Variants in DNASE2B observed in about 807,000 individuals in gnomAD.
The protein encoded by DNASE2B is deoxyribonuclease 2 beta.
In DNASE2B, 43 loss-of-function variants were observed where a neutral mutation model predicts 46.0. The observed-to-expected ratio is 0.94, with a 90% CI of 0.73 to 1.21. The LOEUF (loss-of-function observed/expected upper bound fraction) is 1.21. DNASE2B is among the 50% of genes most tolerant of loss of function. The pLI, the probability that DNASE2B is intolerant of heterozygous loss-of-function variation, is 0.00. For missense variants in DNASE2B, 395 were observed against 414.4 expected (o/e 0.95, Z 0.41); for synonymous variants, 156 against 152.5 (o/e 1.02, Z -0.17).
intron 3 of DNASE2B, among the ~76,000 whole-genome samples, chr1:84,410,010 A>G (rs2101852104): frequency 6.6e-6 from 1 of 152,314 alleles, no homozygotes; most frequent in East Asian, 1.9e-4. Flanking sequence ...CTTTGAAAAA[A>G]AAATAACTAG....
intron 3 of DNASE2B, among the ~76,000 whole-genome samples, chr1:84,409,784 A>AG (rs931323251): frequency 2.0e-5 from 3 of 152,146 alleles, no homozygotes; most frequent in African/African-American, 7.2e-5. Context: ...TATCAAGTGG[A>AG]GGGGTTCTCT....
intron 1 of DNASE2B, among the ~76,000 whole-genome samples, chr1:84,401,148 T>G (rs1001316155): frequency 2.6e-5 from 4 of 152,178 alleles, no homozygotes; most frequent in Admixed American, 2.6e-4. Flanking sequence ...TCAGAGGATT[T>G]TTGATAATGT....
chr1:84,403,308 C>T (rs1226862637), intron 2 of DNASE2B, among the ~76,000 whole-genome samples: 1 of 152,156 alleles, frequency 6.6e-6, no homozygotes, highest in Non-Finnish European at 1.5e-5. Context: ...ATCAGTTTGA[C>T]TGGATGCCTT....
intron 3 of DNASE2B, 79 bp from the exon 4 acceptor site, chr1:84,410,759 T>G (rs1680573517): frequency 7.1e-7 from 1 of 1,410,428 alleles, no homozygotes; most frequent in Non-Finnish European, 9.6e-7. Context: ...TAAATGGGCT[T>G]AAATGTTGCC....
chr1:84,408,264 T>A, intron 2 of DNASE2B, 173 bp from the exon 3 acceptor site: 1 of 1,070,540 alleles, frequency 9.3e-7, no homozygotes, highest in Admixed American at 4.2e-5. Context: ...CTTTCCCCTG[T>A]CTTTCATGTC....
intron 1 of DNASE2B, among the ~76,000 whole-genome samples, chr1:84,400,756 G>A (rs77346611): frequency 0.052 from 7,876 of 152,304 alleles, 222 homozygotes; most frequent in South Asian, 0.075. Flanking sequence ...CAAGTGAATG[G>A]ACATATTACT....
intron 1 of DNASE2B, among the ~76,000 whole-genome samples, chr1:84,401,569 G>A (rs887043744): frequency 6.6e-5 from 10 of 152,148 alleles, no homozygotes; most frequent in Non-Finnish European, 1.3e-4. Flanking sequence ...CCAACTGCAT[G>A]GTCTGGGCCT....
intron 3 of DNASE2B, 51 bp from the exon 4 acceptor site, chr1:84,410,787 A>G (rs1004440234): frequency 1.3e-6 from 2 of 1,567,280 alleles, no homozygotes; most frequent in African/African-American, 2.7e-5. Flanking sequence ...ACCCTATTAT[A>G]AAAGAAGCTT....
At chr1:84,401,794 C>A in intron 1 of DNASE2B, 107 bp from the exon 2 acceptor site, 2 of 820,358 alleles carry the variant, frequency 2.4e-6, no homozygotes, top group Non-Finnish European at 1.8e-6. Context: ...TCCTTAGAGG[C>A]CTTCCATGAA....
chr1:84,404,103 G>T (rs1017410599), intron 2 of DNASE2B, among the ~76,000 whole-genome samples: 1 of 151,994 alleles, frequency 6.6e-6, no homozygotes, highest in Admixed American at 6.6e-5. Context: ...ACTGCACCCA[G>T]CCTAAAAGCA....
chr1:84,409,361 C>G (rs3116413), intron 3 of DNASE2B, among the ~76,000 whole-genome samples: 3 of 152,096 alleles, frequency 2.0e-5, no homozygotes, highest in Non-Finnish European at 2.9e-5. Flanking sequence ...TGAAAGGAGG[C>G]AGTTACTATT....
In DNASE2B at chr1:84,398,515, C is replaced by G. The variant is rs1177799225; in HGVS notation, c.-50C>G. ...AGCACAGCCTGAGAGCGCCTTGAAA[C>G]TCAGACTCCACAATCTATGGGGAAA... On this transcript the variant is annotated 5_prime_UTR_variant, in exon 1 of 6. Transcript: ENST00000370665. The G allele has an allele frequency of 2.5e-6, 4 of 1,605,702 alleles. No homozygotes were observed. Among genetic ancestry groups the G allele is most frequent in the Non-Finnish European group, 3.4e-6 (4 of 1,174,946 alleles).
intron 4 of DNASE2B, 66 bp downstream of exon 4, chr1:84,411,065 C>G (rs1259659255): frequency 1.4e-6 from 2 of 1,463,072 alleles, no homozygotes; most frequent in Admixed American, 4.1e-5. Context: ...GAAATATATT[C>G]ATAAATGTGT....
intron 2 of DNASE2B, among the ~76,000 whole-genome samples, 176 bp downstream of exon 2, chr1:84,402,254 G>A (rs1163753057): frequency 6.6e-6 from 1 of 152,178 alleles, no homozygotes; most frequent in Non-Finnish European, 1.5e-5. Context: ...AAGACCTGAG[G>A]AAACATGTCA....
Position 84,412,510 on chromosome 1 carries a change from T to C in DNASE2B, c.709T>C (p.Phe237Leu). The change falls in exon 5 of 6, where the codon TTC becomes CTC. Residue 237 changes from phenylalanine to leucine, a missense_variant. Physicochemically the swap from Phe to Leu is conservative, Grantham distance 22. Coordinates refer to ENST00000370665, the MANE Select transcript of DNASE2B (RefSeq NM_021233.3). ...ACTTCAGTCGGCCCAGGGACAAAAATTCCTCCATTTTGCAAAGTCGGATTC... is the reference window on the plus strand; with the variant it reads ...ACTTCAGTCGGCCCAGGGACAAAAACTCCTCCATTTTGCAAAGTCGGATTC... ...TTLQSAQGQK[F>L]LHFAKSDSFL... 1.2e-6 allele frequency: 2 copies of C among 1,612,602 alleles called. No homozygotes were observed. The highest frequency in any genetic ancestry group is 1.7e-6 in the Non-Finnish European group (2 of 1,179,412).
chr1:84,411,549 G>C (rs1409420860), intron 4 of DNASE2B, among the ~76,000 whole-genome samples: 1 of 151,064 alleles, frequency 6.6e-6, no homozygotes, highest in African/African-American at 2.4e-5. Context: ...TTTTGTTTTT[G>C]AAGTTTTCCA....
In DNASE2B at chr1:84,414,932, CCTT is replaced by C; in HGVS notation, c.*68_*70del. 8.4e-7 allele frequency: 1 copy of C among 1,192,396 alleles called. No homozygotes were observed. The highest frequency in any genetic ancestry group is 1.2e-6 in the Non-Finnish European group (1 of 842,490). The allele number at this position is 1,192,396 out of a possible 1,614,324, so 73.9% of individuals were successfully genotyped here. On this transcript the variant is annotated 3_prime_UTR_variant, in exon 6 of 6. Transcript: ENST00000370665. ...TGACAATGGGTCTTCTTCCATTACA[CCTT>C]CTTTATATTTTAAAGGCCTGTGAAT...
Position 84,400,275 on chromosome 1 carries a change from G to A in DNASE2B, c.125+1586G>A, listed in dbSNP as rs189812799. ...CCCAGCTACATGGGAGGCTGAGGCA[G>A]GAGAATTGCTTGAACCCAGGAGGCG... On this transcript the variant is annotated intron_variant, in intron 1 of 5. Transcript: ENST00000370665. Among the ~76,000 whole-genome samples the A allele has an allele frequency of 4.7e-4, 71 of 152,274 alleles. No homozygotes were observed. The East Asian group carries it at 8.3e-3, about 18-fold the overall frequency.
chr1:84,412,525 A>C lies in DNASE2B; in HGVS notation c.724A>C (p.Lys242Gln), dbSNP rs564247842. 9.9e-6 allele frequency: 16 copies of C among 1,611,386 alleles called. No individual in the cohort carries two copies. Among genetic ancestry groups the C allele is most frequent in the Non-Finnish European group, 1.4e-5 (16 of 1,178,714 alleles). Residue 242 changes from lysine (K) to glutamine (Q), a missense_variant, in exon 5 of 6, where the codon AAG (lysine) becomes CAG (glutamine). Transcript: ENST00000370665. ...GGGACAAAAATTCCTCCATTTTGCA[A>C]AGTCGGATTCTTTTCTTGACGGTAT... is the stretch of plus-strand genomic sequence containing the variant. ...AQGQKFLHFA[K>Q]SDSFLDDIFA... is the part of the protein sequence containing the mutation.
Sources: allele counts gnomAD v4.1 joint callset (sites outside exome capture counted in the v4.1 genomes callset), GRCh38; gene constraint gnomAD v4.1.1; transcripts MANE v1.5; gene names NCBI Gene and HGNC (gene_info 2026-07-23, HGNC 2026-07-21).